Variants in PTK2 observed in about 807,000 individuals in gnomAD.
PTK2 encodes the protein protein tyrosine kinase 2, also known as focal adhesion kinase 1.
PTK2 carries 45 observed loss-of-function variants against 150.1 expected under a neutral mutation model. The observed-to-expected ratio is 0.30, with a 90% CI of 0.24 to 0.38. PTK2 has a LOEUF of 0.38. Among genes scored for constraint, PTK2 ranks in the 10% least tolerant of loss-of-function variants. The probability of loss-of-function intolerance (pLI) is 1.00; values close to 1 mark genes in which losing one functional copy is unlikely to be tolerated. For missense variants in PTK2, 919 were observed against 1,307.3 expected, an observed-to-expected ratio of 0.70 and a Z score of 4.58; for synonymous variants, 432 against 449.2, an observed-to-expected ratio of 0.96 and a Z score of 0.48.
intron 11 of PTK2, among the ~76,000 whole-genome samples, chr8:140,803,005 CTTTTTTTTTT>C (rs778981723): frequency 2.1e-4 from 16 of 77,362 alleles, no homozygotes; most frequent in East Asian, 1.0e-3. Flanking sequence ...TGATGACAAT[CTTTTTTTTTT>C]TTTTTTTTTT....
At chr8:140,773,220 G>A (rs2100076526) in intron 14 of PTK2, among the ~76,000 whole-genome samples, 1 of 152,058 alleles carries the variant, frequency 6.6e-6, no homozygotes, top group African/African-American at 2.4e-5. Flanking sequence ...AAACAAAAAG[G>A]ATTAGGACTT....
chr8:140,990,856 A>G (rs2100195464), intron 1 of PTK2, among the ~76,000 whole-genome samples: 1 of 152,122 alleles, frequency 6.6e-6, no homozygotes, highest in Admixed American at 6.5e-5. Context: ...GGGCTTTCAC[A>G]TATCTATATT....
intron 29 of PTK2, chr8:140,669,492 G>C (rs1272705109): frequency 6.1e-6 from 3 of 495,842 alleles, no homozygotes; most frequent in South Asian, 3.9e-5. Flanking sequence ...TGTTCCAAAA[G>C]TCTGGGTATG....
chr8:140,680,431 T>C (rs73366315), intron 27 of PTK2, among the ~76,000 whole-genome samples: 5,876 of 152,240 alleles, frequency 0.039, 310 homozygotes, highest in African/African-American at 0.12. Flanking sequence ...GGTTTTACCA[T>C]GTTGGCCAGG....
At chr8:140,996,162 A>G (rs1395146036) in intron 1 of PTK2, among the ~76,000 whole-genome samples, 1 of 152,238 alleles carries the variant, frequency 6.6e-6, no homozygotes, top group Non-Finnish European at 1.5e-5. Flanking sequence ...AGATAGATCA[A>G]GCCAGCCATA....
chr8:140,800,252 C>G (rs904698220), intron 12 of PTK2, among the ~76,000 whole-genome samples: 1 of 152,066 alleles, frequency 6.6e-6, no homozygotes, highest in African/African-American at 2.4e-5. Flanking sequence ...TTTTTAGGCT[C>G]TATTCAAACC....
chr8:140,916,219 C>T (rs547002537), intron 2 of PTK2, among the ~76,000 whole-genome samples: 10 of 152,216 alleles, frequency 6.6e-5, no homozygotes, highest in Non-Finnish European at 1.3e-4. Context: ...ATTCACTCCT[C>T]TCATGGAGCT....
At chr8:140,820,342 C>A (rs577575498) in intron 8 of PTK2, among the ~76,000 whole-genome samples, 10 of 151,570 alleles carry the variant, frequency 6.6e-5, no homozygotes, top group Non-Finnish European at 1.5e-4. Flanking sequence ...CTCAAGAGAT[C>A]CACCCGCCTC....
intron 1 of PTK2, among the ~76,000 whole-genome samples, chr8:140,933,058 C>A (rs1187842616): frequency 6.6e-6 from 1 of 151,966 alleles, no homozygotes; most frequent in Non-Finnish European, 1.5e-5. Context: ...ACCATGTTGG[C>A]CAGGCTGGTC....
chr8:140,774,715 T>C (rs750046155), intron 14 of PTK2, among the ~76,000 whole-genome samples: 1 of 152,200 alleles, frequency 6.6e-6, no homozygotes, highest in Non-Finnish European at 1.5e-5. Flanking sequence ...GTGGTAAAGA[T>C]GCTGGCCAAA....
chr8:140,777,649 G>C (rs2100079217), intron 14 of PTK2, among the ~76,000 whole-genome samples: 1 of 152,190 alleles, frequency 6.6e-6, no homozygotes, highest in Admixed American at 6.5e-5. Context: ...GCTTCCTGTA[G>C]GTCACTGCAG....
intron 14 of PTK2, chr8:140,764,507 G>A (rs2100071253): frequency 3.4e-5 from 18 of 532,684 alleles, no homozygotes; most frequent in Non-Finnish European, 5.3e-5. Flanking sequence ...CTTGTTTATC[G>A]GAGAGCAAAC....
At chr8:140,989,679 C>T (rs1032137927) in intron 1 of PTK2, among the ~76,000 whole-genome samples, 1 of 152,000 alleles carries the variant, frequency 6.6e-6, no homozygotes, top group Non-Finnish European at 1.5e-5. Context: ...GAGGCCGAGG[C>T]GGGCGGATCA....
chr8:140,924,198 G>GC (rs2100168598), intron 2 of PTK2, among the ~76,000 whole-genome samples: 1 of 151,896 alleles, frequency 6.6e-6, no homozygotes, highest in Admixed American at 6.6e-5. Context: ...GGACACTCTT[G>GC]CCCCCGCGTT....
At chr8:140,746,407 A>G (rs1045561302) in intron 18 of PTK2, 4 of 180,792 alleles carry the variant, frequency 2.2e-5, no homozygotes, top group Non-Finnish European at 4.6e-5. Context: ...TTTAGCATTA[A>G]TTTACCCAAA....
At chr8:140,924,300 G>C (rs918203797) in intron 2 of PTK2, among the ~76,000 whole-genome samples, 1 of 152,094 alleles carries the variant, frequency 6.6e-6, no homozygotes, top group African/African-American at 2.4e-5. Flanking sequence ...GTCTGAAACT[G>C]CATGGCCCAT....
At chr8:140,900,873 C>T (rs2100158179) in intron 2 of PTK2, among the ~76,000 whole-genome samples, 1 of 151,418 alleles carries the variant, frequency 6.6e-6, no homozygotes, top group African/African-American at 2.4e-5. Flanking sequence ...ATCAAAATAC[C>T]AATGACATTC....
intron 22 of PTK2, 173 bp from the exon 26 acceptor site, chr8:140,717,882 T>C (rs1416319064): frequency 1.9e-6 from 1 of 532,842 alleles, no homozygotes; most frequent in Non-Finnish European, 3.4e-6. Flanking sequence ...ACGAAATGAT[T>C]CTAGAATAGC....
chr8:140,772,719 C>A (rs1453201467), intron 14 of PTK2, among the ~76,000 whole-genome samples: 1 of 151,984 alleles, frequency 6.6e-6, no homozygotes, highest in Non-Finnish European at 1.5e-5. Context: ...ACAACAACAA[C>A]AACAACAAAA....
Sources: allele counts gnomAD v4.1 joint callset (sites outside exome capture counted in the v4.1 genomes callset), GRCh38; gene constraint gnomAD v4.1.1; transcripts MANE v1.5; gene names NCBI Gene and HGNC (gene_info 2026-07-23, HGNC 2026-07-21).